Variants in HEATR9 observed in about 807,000 individuals in gnomAD.
The protein encoded by HEATR9 is HEAT repeat containing 9, also known as protein HEATR9.
HEATR9 carries 54 observed loss-of-function variants against 68.2 expected under a neutral mutation model. The ratio of observed to expected loss-of-function variants is 0.79; its 90% CI spans 0.64 to 0.99. The LOEUF is 0.99. Ranked by LOEUF, HEATR9 falls within the 50% of genes least tolerant of loss-of-function variation. The pLI is 0.00. For synonymous variants in HEATR9, 241 were observed against 253.5 expected (o/e 0.95, Z 0.47); for missense variants, 662 against 679.7 (o/e 0.97, Z 0.29).
In HEATR9 at chr17:35,855,038, C is replaced by T. The variant is rs373781774; in HGVS notation, c.*25G>A. On this transcript the variant is annotated 3_prime_UTR_variant, in exon 15 of 15. Coordinates refer to ENST00000604834, the MANE Select transcript of HEATR9 (RefSeq NM_152781.4). ...TGAGAAGCATCTTCAGGGAGGGAGT[C>T]GGGGAGTAGGCCCAAAGAATTGACT... is the stretch of plus-strand genomic sequence containing the variant. 8 of 1,578,896 alleles carry T rather than the reference C, an allele frequency of 5.1e-6. No individual in the cohort carries two copies. The East Asian group carries it at 9.0e-5, about 18-fold the overall frequency.
intron 4 of HEATR9, 51 bp from the exon 5 acceptor site, chr17:35,864,604 T>C (rs1295328104): frequency 6.3e-7 from 1 of 1,595,650 alleles, no homozygotes; most frequent in Admixed American, 1.8e-5. Context: ...AAATAAAGAA[T>C]TTCAAACTAA....
chr17:35,865,479 A>T (rs2088169528), intron 2 of HEATR9, 83 bp from the exon 3 acceptor site: 1 of 958,596 alleles, frequency 1.0e-6, no homozygotes, highest in Non-Finnish European at 1.6e-6. Context: ...GGGTAAAGGG[A>T]GGGAAGGGCA....
At chr17:35,859,856 C>G (rs112637347) in intron 8 of HEATR9, among the ~76,000 whole-genome samples, 42 of 152,348 alleles carry the variant, frequency 2.8e-4, no homozygotes, top group African/African-American at 9.9e-4. Context: ...TTCTGGAACA[C>G]TTCTTCCTCT....
Position 35,868,639 on chromosome 17 carries a change from T to A in HEATR9, c.88+16A>T, listed in dbSNP as rs2088294713. The A allele has an allele frequency of 6.2e-7, 1 of 1,614,120 alleles. No homozygotes were observed. The highest frequency in any genetic ancestry group is 1.3e-5 in the African/African-American group (1 of 75,042). ...TCCCCTGCTCTTGGCTCCATTTCTG[T>A]CCATCCCAGCCTCACCTTTGGTCTT... On this transcript the variant is annotated intron_variant, in intron 1 of 14. Coordinates refer to ENST00000604834, the MANE Select transcript of HEATR9 (RefSeq NM_152781.4).
At chr17:35,863,152 G>A (rs756138996) in intron 7 of HEATR9, 27 bp from the exon 8 acceptor site, 1 of 1,612,480 alleles carries the variant, frequency 6.2e-7, no homozygotes, top group South Asian at 1.1e-5. Flanking sequence ...CTCAAGTCAG[G>A]GCAGAGCCTC....
intron 11 of HEATR9, 94 bp from the exon 12 acceptor site, chr17:35,856,899 C>A: frequency 8.6e-7 from 1 of 1,165,590 alleles, no homozygotes; most frequent in South Asian, 1.3e-5. Context: ...TTCCTTTGTG[C>A]TATGTAGAGT....
intron 1 of HEATR9, 42 bp downstream of exon 1, chr17:35,868,613 G>T: frequency 6.2e-7 from 1 of 1,613,076 alleles, no homozygotes; most frequent in Non-Finnish European, 8.5e-7. Context: ...TTCTTTTTCA[G>T]TCCCCTGCTC....
chr17:35,866,862 C>T, intron 1 of HEATR9, 89 bp from the exon 2 acceptor site: 1 of 1,320,852 alleles, frequency 7.6e-7, no homozygotes. Context: ...AATCCCAGCA[C>T]TTTGGGAAGC....
chr17:35,858,814 G>A (rs923371253), intron 9 of HEATR9, 74 bp downstream of exon 9: 6 of 1,522,138 alleles, frequency 3.9e-6, no homozygotes, highest in Non-Finnish European at 5.4e-6. Context: ...CACCAGGATG[G>A]CAGGATCCAG....
chr17:35,861,280 A>G, intron 8 of HEATR9: 2 of 1,410,316 alleles, frequency 1.4e-6, no homozygotes, highest in Non-Finnish European at 2.0e-6. Context: ...GATCTCTTCA[A>G]CTCTCTTCAT....
At position 35,858,531 on chromosome 17, in the gene HEATR9, AG is replaced by A. The variant is rs35283303; in HGVS notation, c.940-7del. The A allele has an allele frequency of 0.21, 331,006 of 1,612,192 alleles. 37,537 individuals are homozygous for A. The highest frequency in any genetic ancestry group is 0.43 in the African/African-American group (32,132 of 74,730). ...TTGACCAGCATCCTAAGTGCCTATG[AG>A]GGGGCAGGGTAGGGCAGGGTGTACA... On this transcript the variant is annotated splice_region_variant and splice_polypyrimidine_tract_variant and intron_variant, in intron 9 of 14. Coordinates refer to ENST00000604834, the MANE Select transcript of HEATR9 (RefSeq NM_152781.4).
chr17:35,867,937 C>T (rs1371128850), intron 1 of HEATR9, among the ~76,000 whole-genome samples: 3 of 152,114 alleles, frequency 2.0e-5, no homozygotes, highest in African/African-American at 7.2e-5. Context: ...CCCGCCACCA[C>T]ACCCAGCTAA....
At position 35,856,751 on chromosome 17, in the gene HEATR9, T is replaced by A; in HGVS notation, c.1207A>T (p.Met403Leu). ...ACTCACGCCTCCACCAAGTTCATCA[T>A]CGTAGGCTTCAACTTGAGCTCTTCC... ...TVEELKLKPT[M>L]MNLVEAQLMN... Residue 403 changes from methionine (M) to leucine (L), a missense_variant, in exon 12 of 15, where the codon ATG becomes TTG. By Grantham distance (15) the Met-to-Leu change is conservative (BLOSUM62 2). Coordinates refer to ENST00000604834, the MANE Select transcript of HEATR9 (RefSeq NM_152781.4). 1 of 1,605,756 alleles carries A rather than the reference T, an allele frequency of 6.2e-7. No homozygotes were observed. Among genetic ancestry groups the A allele is most frequent in the Non-Finnish European group, 8.5e-7 (1 of 1,176,082 alleles).
intron 8 of HEATR9, chr17:35,860,989 T>C: frequency 1.8e-6 from 1 of 558,962 alleles, no homozygotes; most frequent in South Asian, 1.8e-5. Flanking sequence ...GAGGTTGCAG[T>C]GAGCCGAGAT....
chr17:35,858,771 CAT>C, intron 9 of HEATR9, 115 bp downstream of exon 9: 1 of 1,167,380 alleles, frequency 8.6e-7, no homozygotes, highest in Non-Finnish European at 1.2e-6. Flanking sequence ...TGGACATAGT[CAT>C]AAGCACACAG....
At chr17:35,862,471 A>T (rs141764221) in intron 8 of HEATR9, among the ~76,000 whole-genome samples, 3 of 152,332 alleles carry the variant, frequency 2.0e-5, no homozygotes, top group Admixed American at 2.0e-4. Flanking sequence ...GTTTTACCAT[A>T]ATAAGTTATT....
chr17:35,856,094 CCT>C, intron 13 of HEATR9, 77 bp downstream of exon 13: 3 of 1,448,828 alleles, frequency 2.1e-6, no homozygotes, highest in South Asian at 1.1e-5. Flanking sequence ...CCTTTATTCC[CCT>C]CAGTGACTCT....
At chr17:35,865,921 T>G (rs1377903543) in intron 2 of HEATR9, among the ~76,000 whole-genome samples, 1 of 152,200 alleles carries the variant, frequency 6.6e-6, no homozygotes, top group Non-Finnish European at 1.5e-5. Flanking sequence ...CTCATGGAAC[T>G]TAACAGTTTA....
At chr17:35,856,102 ACT>A (rs1244652276) in intron 13 of HEATR9, 69 bp downstream of exon 13, 9 of 1,484,026 alleles carry the variant, frequency 6.1e-6, no homozygotes, top group African/African-American at 4.2e-5. Flanking sequence ...CCCCTCAGTG[ACT>A]CTGCTCAATC....
Sources: gnomAD v4.1 joint callset for allele counts (sites outside exome capture counted in the v4.1 genomes callset) on GRCh38, gnomAD v4.1.1 for gene constraint, MANE v1.5 for transcripts, NCBI Gene and HGNC (gene_info 2026-07-23, HGNC 2026-07-21) for gene names.